The following TBC1D32 variants were observed in gnomAD, a reference collection of about 807,000 sequenced individuals.
The protein encoded by TBC1D32 is protein broad-minded.
Under a neutral mutation model 170.3 loss-of-function variants are expected in TBC1D32, and 151 were observed. That is an observed-to-expected ratio of 0.89 (90% CI 0.78 to 1.01). The LOEUF (loss-of-function observed/expected upper bound fraction) is 1.01, where lower values mean the gene tolerates loss of function less well. Among genes scored for constraint, TBC1D32 ranks in the 50% least tolerant of loss-of-function variants. The pLI, the probability that TBC1D32 is intolerant of heterozygous loss-of-function variation, is 0.00. For missense variants in TBC1D32, 1,464 were observed against 1,457.1 expected, an observed-to-expected ratio of 1.00 and a Z score of -0.08; for synonymous variants, 498 against 488.0, an observed-to-expected ratio of 1.02 and a Z score of -0.27.
intron 22 of TBC1D32, among the ~76,000 whole-genome samples, chr6:121,183,713 A>T (rs1365239358): frequency 6.6e-6 from 1 of 152,122 alleles, no homozygotes; most frequent in Non-Finnish European, 1.5e-5. Context: ...AATCTCTAAA[A>T]TATATTACAT....
intron 31 of TBC1D32, among the ~76,000 whole-genome samples, chr6:121,090,440 C>T (rs1280059262): frequency 6.6e-6 from 1 of 151,838 alleles, no homozygotes. Flanking sequence ...AATAATCTTT[C>T]ATGAAAATCT....
At chr6:121,142,794 A>G (rs1168587658) in intron 24 of TBC1D32, among the ~76,000 whole-genome samples, 2 of 152,182 alleles carry the variant, frequency 1.3e-5, no homozygotes, top group Non-Finnish European at 2.9e-5. Context: ...CAATGGGGTA[A>G]TAACTCCCGG....
chr6:121,262,296 C>T (rs943315241), intron 15 of TBC1D32, among the ~76,000 whole-genome samples: 11 of 151,934 alleles, frequency 7.2e-5, no homozygotes, highest in Non-Finnish European at 1.6e-4. Context: ...AGATACTCCA[C>T]GAGAAGATCA....
intron 12 of TBC1D32, among the ~76,000 whole-genome samples, chr6:121,289,529 C>T (rs997549094): frequency 2.0e-5 from 3 of 152,222 alleles, no homozygotes; most frequent in Non-Finnish European, 1.5e-5. Flanking sequence ...ACATTCCATG[C>T]TCATGGGTAG....
intron 3 of TBC1D32, among the ~76,000 whole-genome samples, chr6:121,316,200 C>A (rs1808918683): frequency 6.6e-6 from 1 of 152,128 alleles, no homozygotes; most frequent in Non-Finnish European, 1.5e-5. Flanking sequence ...TCGACAAGGT[C>A]TTAACTGCCA....
chr6:121,329,259 T>C (rs190534009), intron 1 of TBC1D32, among the ~76,000 whole-genome samples: 3 of 152,354 alleles, frequency 2.0e-5, no homozygotes, highest in East Asian at 3.9e-4. Flanking sequence ...GTAATGTTTA[T>C]ATAAAAATAC....
chr6:121,311,724 T>A (rs1304447812), intron 3 of TBC1D32, among the ~76,000 whole-genome samples: 51 of 95,852 alleles, frequency 5.3e-4, no homozygotes, highest in Non-Finnish European at 7.6e-5. Context: ...AGACTCCACC[T>A]CAAAAAAAAA....
chr6:121,159,977 AAAT>A, intron 24 of TBC1D32, 30 bp downstream of exon 24: 4 of 1,401,256 alleles, frequency 2.9e-6, no homozygotes, highest in South Asian at 2.4e-5. Context: ...AAAGCTTTAA[AAAT>A]AATATGGCAT....
chr6:121,220,791 C>G (rs1283115716), intron 21 of TBC1D32, among the ~76,000 whole-genome samples: 1 of 151,846 alleles, frequency 6.6e-6, no homozygotes, highest in Admixed American at 6.6e-5. Flanking sequence ...CAGACATGCG[C>G]CACCACGTCC....
At chr6:121,292,214 G>A (rs769760632) in intron 11 of TBC1D32, 21 bp from the exon 12 acceptor site, 37 of 1,566,860 alleles carry the variant, frequency 2.4e-5, no homozygotes, top group Admixed American at 5.5e-5. Flanking sequence ...AAGCAAACAC[G>A]AATATTTATT....
chr6:121,115,005 TA>T (rs2128200468), intron 27 of TBC1D32, among the ~76,000 whole-genome samples, 166 bp downstream of exon 27: 1 of 152,316 alleles, frequency 6.6e-6, no homozygotes, highest in East Asian at 1.9e-4. Context: ...AGAGGTAATT[TA>T]ATCATGTGCC....
chr6:121,285,529 G>C (rs775830872), intron 12 of TBC1D32, among the ~76,000 whole-genome samples: 3 of 152,162 alleles, frequency 2.0e-5, no homozygotes, highest in Non-Finnish European at 4.4e-5. Context: ...CCAGGTACGA[G>C]GGGTGGAGCC....
intron 17 of TBC1D32, among the ~76,000 whole-genome samples, chr6:121,247,302 C>G (rs949829145): frequency 6.6e-6 from 1 of 151,800 alleles, no homozygotes; most frequent in East Asian, 1.9e-4. Flanking sequence ...CAAACAAGCA[C>G]TACAAGAAAT....
intron 30 of TBC1D32, among the ~76,000 whole-genome samples, chr6:121,095,665 G>A (rs1777312970): frequency 6.6e-6 from 1 of 152,050 alleles, no homozygotes; most frequent in African/African-American, 2.4e-5. Context: ...TTTGTCGAAG[G>A]CTTTTACTGC....
chr6:121,098,546 G>A (rs1777680271), intron 30 of TBC1D32, among the ~76,000 whole-genome samples: 1 of 151,922 alleles, frequency 6.6e-6, no homozygotes, highest in African/African-American at 2.4e-5. Context: ...TTTATACTAT[G>A]AAGCAACATG....
intron 12 of TBC1D32, among the ~76,000 whole-genome samples, chr6:121,290,583 T>A (rs1350545521): frequency 2.6e-5 from 4 of 152,178 alleles, no homozygotes; most frequent in South Asian, 2.1e-4. Context: ...ATTGTGGAAG[T>A]CAGTGTGGCG....
chr6:121,270,853 A>C (rs1331856649), intron 15 of TBC1D32, among the ~76,000 whole-genome samples: 2 of 152,158 alleles, frequency 1.3e-5, no homozygotes, highest in Non-Finnish European at 2.9e-5. Flanking sequence ...ATCGATGCAA[A>C]AATCCTCAAT....
chr6:121,334,441 T>C lies in TBC1D32; in HGVS notation c.-11A>G, dbSNP rs754280060. On this transcript the variant is annotated 5_prime_UTR_variant, in exon 1 of 32. The change abolishes the stop of an existing upstream ORF in the 5' untranslated region. Transcript: ENST00000398212. The stretch of plus-strand genomic sequence containing the variant: ...GGAGAAATGGGCCATCCTGTTGGAA[T>C]CAAACGTCCACTCTCATTACTCCAG... 2.5e-6 allele frequency: 4 copies of C among 1,611,648 alleles called. No individual in the cohort carries two copies. The highest frequency in any genetic ancestry group is 1.1e-5 in the South Asian group (1 of 90,766).
chr6:121,103,592 G>A (rs1020075332), intron 30 of TBC1D32, among the ~76,000 whole-genome samples: 1 of 110,592 alleles, frequency 9.0e-6, no homozygotes, highest in Non-Finnish European at 1.8e-5. Context: ...TGTAGGGAGG[G>A]GGGAGGGGGG....
Sources: allele counts gnomAD v4.1 joint callset (sites outside exome capture counted in the v4.1 genomes callset), GRCh38; gene constraint gnomAD v4.1.1; transcripts MANE v1.5; gene names NCBI Gene and HGNC (gene_info 2026-07-23, HGNC 2026-07-21).